CLHC1: variants seen among roughly 807,000 people sequenced by gnomAD.
The protein encoded by CLHC1 is clathrin heavy chain linker domain-containing protein 1.
In CLHC1, 72 loss-of-function variants were observed where a neutral mutation model predicts 69.5. That is an observed-to-expected ratio of 1.04 (90% CI 0.86 to 1.26). CLHC1 has a LOEUF of 1.26. CLHC1 is among the 50% of genes most tolerant of loss of function. CLHC1 has a pLI of 0.00. For missense variants in CLHC1, 790 were observed against 679.3 expected, an observed-to-expected ratio of 1.16 and a Z score of -1.81; for synonymous variants, 223 against 224.3, an observed-to-expected ratio of 0.99 and a Z score of 0.05.
chr2:55,206,462 T>C, intron 8 of CLHC1, 86 bp from the exon 9 acceptor site: 1 of 734,666 alleles, frequency 1.4e-6, no homozygotes, highest in Non-Finnish European at 2.4e-6. Flanking sequence ...ACAGACTAAA[T>C]ATAGCGGCAT....
chr2:55,209,470 T>G lies in CLHC1; in HGVS notation c.748A>C (p.Lys250Gln). The change falls in exon 7 of 13, where the codon AAA becomes CAA. Residue 250 changes from lysine (K) to glutamine (Q), a missense_variant. Transcript: ENST00000401408. ...TGAAATGGGCTGCTCATATCAGATT[T>G]TACCCATGAACTAAGTGCCTGTGAA... ...IISQALSSWV[K>Q]SDMSSPFQDF... The G allele has an allele frequency of 6.2e-7, 1 of 1,612,534 alleles. No homozygotes were observed. The highest frequency in any genetic ancestry group is 8.5e-7 in the Non-Finnish European group (1 of 1,179,598).
chr2:55,194,843 T>C (rs1671249398), intron 9 of CLHC1, among the ~76,000 whole-genome samples: 1 of 152,114 alleles, frequency 6.6e-6, no homozygotes, highest in African/African-American at 2.4e-5. Context: ...AATTAACATA[T>C]CCATTACCTC....
At chr2:55,224,258 G>C (rs1289652286) in intron 2 of CLHC1, 1 of 353,062 alleles carries the variant, frequency 2.8e-6, no homozygotes, top group Non-Finnish European at 5.7e-6. Flanking sequence ...TAATGTACTT[G>C]ATTCCACAGT....
rs576783182 is a variant in CLHC1 at position 55,226,670 on chromosome 2, C to T, written c.-83+1362G>A. On this transcript the variant is annotated intron_variant, in intron 2 of 12. Coordinates refer to ENST00000401408, the MANE Select transcript of CLHC1 (RefSeq NM_152385.4). ...TTGTTTTGAGACAGTCTTGCTCTGT[C>T]GCCCAGGCTGGAGTGCAGTGGCACG... Among the ~76,000 whole-genome samples the T allele has an allele frequency of 1.1e-4, 17 of 152,266 alleles. No individual in the cohort carries two copies. The South Asian group carries it at 2.9e-3, about 26-fold the overall frequency.
intron 8 of CLHC1, among the ~76,000 whole-genome samples, chr2:55,207,154 G>C (rs1210342623): frequency 6.6e-6 from 1 of 151,892 alleles, no homozygotes; most frequent in African/African-American, 2.4e-5. Flanking sequence ...GAGATCAAGA[G>C]GTGTCCTTGG....
intron 9 of CLHC1, among the ~76,000 whole-genome samples, chr2:55,196,996 A>G (rs1389611554): frequency 6.6e-6 from 1 of 152,174 alleles, no homozygotes; most frequent in African/African-American, 2.4e-5. Flanking sequence ...CAGGCCTGGT[A>G]GCATTCACCA....
chr2:55,175,732 T>C lies in CLHC1; in HGVS notation c.*58A>G. The C allele has an allele frequency of 8.0e-7, 1 of 1,250,272 alleles. No homozygotes were observed. The highest frequency in any genetic ancestry group is 1.5e-5 in the African/African-American group (1 of 66,596). The allele number at this position is 1,250,272 out of a possible 1,614,324, so 77.4% of individuals were successfully genotyped here. A position where few individuals can be genotyped will look rare whatever the true frequency, so the allele number is the denominator to read the frequency against. On this transcript the variant is annotated 3_prime_UTR_variant, in exon 13 of 13. Transcript: ENST00000401408. ...AGTTAGTTACGTTAAAATCAGTTTT[T>C]CCCAACCAGCATACATAAGGTGTTG... is the stretch of plus-strand genomic sequence containing the variant.
chr2:55,217,688 A>G (rs1573753309), intron 4 of CLHC1, 123 bp downstream of exon 4: 1 of 530,706 alleles, frequency 1.9e-6, no homozygotes, highest in Admixed American at 4.0e-5. Context: ...TAACATAAAA[A>G]TGCATCATTT....
intron 4 of CLHC1, chr2:55,214,572 A>G (rs1392023982): frequency 6.6e-6 from 1 of 152,250 alleles, no homozygotes; most frequent in Non-Finnish European, 1.5e-5. Context: ...GCTTCTGATT[A>G]TTATATAGTG....
intron 9 of CLHC1, among the ~76,000 whole-genome samples, chr2:55,184,963 A>ACACAC (rs1558454247): frequency 1.1e-5 from 1 of 88,850 alleles, no homozygotes; most frequent in African/African-American, 4.2e-5. Flanking sequence ...CACACACACA[A>ACACAC]AGATTTCCTA....
chr2:55,204,359 A>C (rs1241524687), intron 9 of CLHC1, among the ~76,000 whole-genome samples: 1 of 152,238 alleles, frequency 6.6e-6, no homozygotes, highest in Non-Finnish European at 1.5e-5. Flanking sequence ...GCATATGAAA[A>C]TGTGCTCCAC....
In CLHC1 at chr2:55,175,897, C is replaced by G. The variant is rs3186099; in HGVS notation, c.1654G>C (p.Asp552His). ...GACGTGATGTCATTAGATAATTTGT[C>G]AAAGCCATTCTGTGAACATATATTT... ...VANICSQNGF[D>H]KLSNDITSIL... Residue 552 changes from aspartate (D) to histidine (H), a missense_variant, in exon 13 of 13, where the codon GAC (aspartate) becomes CAC (histidine). Coordinates refer to ENST00000401408, the MANE Select transcript of CLHC1 (RefSeq NM_152385.4). 6.2e-7 allele frequency: 1 copy of G among 1,613,902 alleles called. No homozygotes were observed. Among genetic ancestry groups the G allele is most frequent in the South Asian group, 1.1e-5 (1 of 91,082 alleles).
intron 9 of CLHC1, among the ~76,000 whole-genome samples, chr2:55,202,255 G>GAAA (rs35517817): frequency 7.2e-6 from 1 of 138,832 alleles, no homozygotes; most frequent in African/African-American, 2.7e-5. Context: ...TCTTATATTT[G>GAAA]AAAAAAAAAA....
intron 9 of CLHC1, among the ~76,000 whole-genome samples, chr2:55,199,901 A>C (rs1192975272): frequency 6.6e-6 from 1 of 152,186 alleles, no homozygotes; most frequent in Non-Finnish European, 1.5e-5. Flanking sequence ...TATCAAGTGA[A>C]TGTTAGCAGA....
chr2:55,184,836 C>A (rs527359089), intron 9 of CLHC1, among the ~76,000 whole-genome samples: 1 of 150,556 alleles, frequency 6.6e-6, no homozygotes, highest in African/African-American at 2.4e-5. Flanking sequence ...ACCCAGGAAG[C>A]GGAGGTTGCA....
intron 4 of CLHC1, chr2:55,214,497 G>A (rs1045632865): frequency 2.0e-5 from 3 of 152,274 alleles, no homozygotes; most frequent in Non-Finnish European, 4.4e-5. Flanking sequence ...GACAGGGCAA[G>A]ATTCCGTCTC....
rs192731098 is a variant in CLHC1 at position 55,192,525 on chromosome 2, C to A, written c.1007-10781G>T. Among the ~76,000 whole-genome samples the A allele has an allele frequency of 1.2e-3, 184 of 152,226 alleles. 2 individuals carry two copies. The Middle Eastern group carries it at 0.017, about 14-fold the overall frequency. On this transcript the variant is annotated intron_variant, in intron 9 of 12. Transcript: ENST00000401408. ...AAGTTAGAGGACTGAAGAAGATAAA[C>A]CATGCTAATACTAATCTAAAGAAAG...
chr2:55,214,161 A>G (rs1388031220), intron 4 of CLHC1, among the ~76,000 whole-genome samples: 2 of 152,316 alleles, frequency 1.3e-5, no homozygotes, highest in East Asian at 3.9e-4. Flanking sequence ...GTAAAATTTG[A>G]TCAGGAAGAG....
chr2:55,226,157 A>C (rs1198297472), intron 2 of CLHC1, among the ~76,000 whole-genome samples: 1 of 150,106 alleles, frequency 6.7e-6, no homozygotes, highest in Non-Finnish European at 1.5e-5. Flanking sequence ...GCACCACTGC[A>C]CTCCAGCCTG....
Sources: gnomAD v4.1 joint callset for allele counts (sites outside exome capture counted in the v4.1 genomes callset) on GRCh38, gnomAD v4.1.1 for gene constraint, MANE v1.5 for transcripts, NCBI Gene and HGNC (gene_info 2026-07-23, HGNC 2026-07-21) for gene names.